The following HDAC1 variants were observed in gnomAD, a reference collection of about 807,000 sequenced individuals.
HDAC1 encodes protein deacetylase HDAC1.
A neutral mutation model predicts 65.5 loss-of-function variants in HDAC1; 18 were observed. The observed-to-expected ratio is 0.27, with a 90% confidence interval of 0.19 to 0.41. The LOEUF (loss-of-function observed/expected upper bound fraction) is 0.41. HDAC1 is among the 10% of genes least tolerant of loss of function. The probability of loss-of-function intolerance (pLI) is 1.00; values close to 1 mark genes in which losing one functional copy is unlikely to be tolerated. For missense variants in HDAC1, 373 were observed against 625.2 expected (o/e 0.60, Z 4.30); for synonymous variants, 211 against 227.9 (o/e 0.93, Z 0.67).
chr1:32,292,258 G>GCCGGA (rs1388464386), intron 1 of HDAC1, 40 bp downstream of exon 1: 5 of 1,546,362 alleles, frequency 3.2e-6, no homozygotes, highest in Non-Finnish European at 4.4e-6. Context: ...GCCAGGCCGG[G>GCCGGA]CCGGACCGGG....
At chr1:32,310,902 G>A (rs997875153) in intron 2 of HDAC1, among the ~76,000 whole-genome samples, 1 of 149,624 alleles carries the variant, frequency 6.7e-6, no homozygotes, top group Admixed American at 6.7e-5. Context: ...GGGAGGGAGA[G>A]AGAGAAAGAC....
chr1:32,306,816 C>G (rs907244073), intron 2 of HDAC1, among the ~76,000 whole-genome samples: 1 of 151,822 alleles, frequency 6.6e-6, no homozygotes, highest in Non-Finnish European at 1.5e-5. Context: ...AGTACTGTAT[C>G]CTATATATGT....
chr1:32,304,935 C>A (rs949740780), intron 2 of HDAC1, among the ~76,000 whole-genome samples: 2 of 152,028 alleles, frequency 1.3e-5, no homozygotes, highest in Non-Finnish European at 2.9e-5. Flanking sequence ...TGGTGTCAAA[C>A]CCCTGGCCTC....
At chr1:32,297,399 A>G (rs1640782903) in intron 1 of HDAC1, among the ~76,000 whole-genome samples, 1 of 152,110 alleles carries the variant, frequency 6.6e-6, no homozygotes, top group Non-Finnish European at 1.5e-5. Context: ...ACACAAAAAA[A>G]TAAGCTGGGT....
In HDAC1 at chr1:32,333,238, C is replaced by T; in HGVS notation, c.*194C>T. The T allele has an allele frequency of 2.1e-6, 1 of 478,720 alleles. No homozygotes were observed. The highest frequency in any genetic ancestry group is 3.7e-6 in the Non-Finnish European group (1 of 269,938). 29.7% of individuals were successfully genotyped at this position (478,720 alleles called of 1,614,324 possible). On this transcript the variant is annotated 3_prime_UTR_variant, in exon 14 of 14. Coordinates refer to ENST00000373548, the MANE Select transcript of HDAC1 (RefSeq NM_004964.3). ...AGCTCTTCCAGGAGCCACCTTGCCA[C>T]CCATTCTTCCCGTTCTTAACTTTGA...
intron 3 of HDAC1, among the ~76,000 whole-genome samples, chr1:32,317,511 G>A (rs1641080368): frequency 6.6e-6 from 1 of 152,164 alleles, no homozygotes; most frequent in Non-Finnish European, 1.5e-5. Flanking sequence ...ACTTATGACA[G>A]CTTATATGGA....
chr1:32,321,242 AAT>A (rs1444518297), intron 3 of HDAC1, among the ~76,000 whole-genome samples: 9 of 151,262 alleles, frequency 5.9e-5, no homozygotes, highest in African/African-American at 7.3e-5. Context: ...AAAAAAAAAA[AAT>A]AATAATAATA....
chr1:32,327,608 C>T lies in HDAC1; in HGVS notation c.567C>T (p.Thr189=), dbSNP rs1641236023. ...HGDGVEEAFY[T]TDRVMTVSFH... ...ACGGCGTGGAAGAGGCCTTCTACAC[C>T]ACGGACCGGGTCATGACTGTGTCCT... Residue 189 remains threonine, a synonymous_variant, in exon 6 of 14, where the codon ACC becomes ACT. Transcript: ENST00000373548. The surrounding 1 kb of genome is among the most constrained non-coding windows in gnomAD (Gnocchi z 6.0). 2 of 1,613,262 alleles carry T rather than the reference C, an allele frequency of 1.2e-6. No homozygotes were observed. The highest frequency in any genetic ancestry group is 1.7e-6 in the Non-Finnish European group (2 of 1,179,188).
chr1:32,305,825 G>T (rs528286583), intron 2 of HDAC1, among the ~76,000 whole-genome samples: 2 of 152,064 alleles, frequency 1.3e-5, no homozygotes, highest in Non-Finnish European at 2.9e-5. Flanking sequence ...AACCAGGCTG[G>T]TCTGAAACTC....
chr1:32,309,697 A>C (rs887836638), intron 2 of HDAC1, among the ~76,000 whole-genome samples: 1 of 148,454 alleles, frequency 6.7e-6, no homozygotes, highest in Non-Finnish European at 1.5e-5. Context: ...AAAAAAAAAA[A>C]AAAAACAAGC....
Position 32,327,115 on chromosome 1 carries a change from T to C in HDAC1, c.494+38T>C, listed in dbSNP as rs1204186369. The C allele has an allele frequency of 6.2e-7, 1 of 1,606,332 alleles. No homozygotes were observed. Among genetic ancestry groups the C allele is most frequent in the Non-Finnish European group, 8.5e-7 (1 of 1,175,286 alleles). On this transcript the variant is annotated intron_variant, in intron 5 of 13. Coordinates refer to ENST00000373548, the MANE Select transcript of HDAC1 (RefSeq NM_004964.3). This position sits in a 1 kb window ranked among gnomAD's most constrained non-coding sequence, Gnocchi z 6.0. ...GGCCTTGTCTCTTGGAAGAGCACCT[T>C]AGGCCAGGTTCCCATTTCCCTCTTC...
At chr1:32,324,457 C>A in intron 3 of HDAC1, 22 bp from the exon 4 acceptor site, 2 of 1,558,604 alleles carry the variant, frequency 1.3e-6, no homozygotes, top group Non-Finnish European at 1.8e-6. Flanking sequence ...TGGAAACTAA[C>A]CTTTTGCTTA....
intron 1 of HDAC1, among the ~76,000 whole-genome samples, chr1:32,292,874 G>A (rs910317687): frequency 2.4e-4 from 37 of 152,120 alleles, no homozygotes; most frequent in Admixed American, 2.4e-3. Flanking sequence ...TGTTAGGGGA[G>A]CACAGAGAAG....
chr1:32,329,029 T>G lies in HDAC1; in HGVS notation c.637-39T>G. ...CCCTATCCTTGACCTTCCTTCAAGC[T>G]TCATCCTTCAGTTTTACTTTAATGG... On this transcript the variant is annotated intron_variant, in intron 6 of 13. Transcript: ENST00000373548. This position sits in a 1 kb window ranked among gnomAD's most constrained non-coding sequence, Gnocchi z 4.1. 1 of 1,244,946 alleles carries G rather than the reference T, an allele frequency of 8.0e-7. No individual in the cohort carries two copies. Among genetic ancestry groups the G allele is most frequent in the Non-Finnish European group, 1.2e-6 (1 of 843,828 alleles). 77.1% of individuals were successfully genotyped at this position (1,244,946 alleles called of 1,614,324 possible).
intron 1 of HDAC1, among the ~76,000 whole-genome samples, chr1:32,295,978 G>A (rs1027187412): frequency 3.9e-5 from 6 of 152,084 alleles, no homozygotes; most frequent in African/African-American, 1.4e-4. Flanking sequence ...GGAATTCTAA[G>A]GAAGTGGATT....
intron 3 of HDAC1, 22 bp from the exon 4 acceptor site, chr1:32,324,457 C>T (rs771718313): frequency 3.2e-5 from 50 of 1,558,486 alleles, no homozygotes; most frequent in Non-Finnish European, 4.4e-6. Context: ...TGGAAACTAA[C>T]CTTTTGCTTA....
intron 2 of HDAC1, among the ~76,000 whole-genome samples, chr1:32,307,741 A>T (rs1392954109): frequency 6.6e-6 from 1 of 152,108 alleles, no homozygotes; most frequent in Non-Finnish European, 1.5e-5. Context: ...ATTCTTTGGA[A>T]CTTTGAGTCC....
chr1:32,327,188 A>G lies in HDAC1; in HGVS notation c.494+111A>G, dbSNP rs1316802774. ...TGCTTTTCCTACCGATGTGCTGGCT[A>G]GGATGTGCTCGGTGAGTGTCTCTGG... On this transcript the variant is annotated intron_variant, in intron 5 of 13. Transcript: ENST00000373548. This position sits in a 1 kb window ranked among gnomAD's most constrained non-coding sequence, Gnocchi z 6.0. 3 of 1,101,832 alleles carry G rather than the reference A, an allele frequency of 2.7e-6. No homozygotes were observed. Among genetic ancestry groups the G allele is most frequent in the African/African-American group, 3.1e-5 (2 of 64,742 alleles). 68.3% of individuals were successfully genotyped at this position (1,101,832 alleles called of 1,614,324 possible). A position where few individuals can be genotyped will look rare whatever the true frequency, so the allele number is the denominator to read the frequency against.
chr1:32,311,593 A>T (rs1640993821), intron 2 of HDAC1, among the ~76,000 whole-genome samples: 1 of 152,218 alleles, frequency 6.6e-6, no homozygotes, highest in Non-Finnish European at 1.5e-5. Flanking sequence ...AATATTATGG[A>T]GGCATAATGA....
Sources: allele counts gnomAD v4.1 joint callset (sites outside exome capture counted in the v4.1 genomes callset), GRCh38; gene constraint gnomAD v4.1.1; non-coding constraint Gnocchi (gnomAD v3.1); transcripts MANE v1.5; gene names NCBI Gene and HGNC (gene_info 2026-07-23, HGNC 2026-07-21).